The following NREP variants were observed in gnomAD, a reference collection of about 807,000 sequenced individuals.
NREP encodes neuronal regeneration-related protein.
A neutral mutation model predicts 8.6 loss-of-function variants in NREP; 5 were observed. The observed-to-expected ratio is 0.58, with a 90% confidence interval of 0.30 to 1.22. NREP has a LOEUF of 1.22. Among genes scored for constraint, NREP ranks in the 50% most tolerant of loss-of-function variants. The pLI, the probability that NREP is intolerant of heterozygous loss-of-function variation, is 0.07. For synonymous variants in NREP, 27 were observed against 28.0 expected, an observed-to-expected ratio of 0.96 and a Z score of 0.11; for missense variants, 86 against 82.5, an observed-to-expected ratio of 1.04 and a Z score of -0.17.
At chr5:111,889,835 G>A (rs914228538) in intron 2 of NREP, among the ~76,000 whole-genome samples, 1 of 152,098 alleles carries the variant, frequency 6.6e-6, no homozygotes, top group Non-Finnish European at 1.5e-5. Context: ...GATTTGGGTA[G>A]GTAGTGGAAA....
chr5:111,740,214 C>T (rs1749530236), intron 2 of NREP, among the ~76,000 whole-genome samples: 1 of 152,094 alleles, frequency 6.6e-6, no homozygotes, highest in African/African-American at 2.4e-5. Flanking sequence ...AAGAACCACA[C>T]TGGTTTAAAA....
chr5:111,913,406 C>T (rs1307682448), intron 2 of NREP, among the ~76,000 whole-genome samples: 1 of 152,014 alleles, frequency 6.6e-6, no homozygotes, highest in Non-Finnish European at 1.5e-5. Flanking sequence ...GATAATCTAG[C>T]TGTTTCCTAG....
chr5:111,968,386 G>A (rs1356357978), intron 2 of NREP, among the ~76,000 whole-genome samples: 1 of 152,144 alleles, frequency 6.6e-6, no homozygotes, highest in African/African-American at 2.4e-5. Context: ...AACATTTCTA[G>A]TACAGAAACT....
chr5:111,834,603 A>C (rs978399290), intron 2 of NREP, among the ~76,000 whole-genome samples: 1 of 152,328 alleles, frequency 6.6e-6, no homozygotes, highest in East Asian at 1.9e-4. Flanking sequence ...TTTAAAACTT[A>C]TGCAGATAAT....
At chr5:111,776,808 C>A (rs893314703) in intron 2 of NREP, among the ~76,000 whole-genome samples, 1 of 152,098 alleles carries the variant, frequency 6.6e-6, no homozygotes, top group African/African-American at 2.4e-5. Context: ...GCATGGAAGA[C>A]CATTCTAAAG....
chr5:111,804,584 C>G (rs560501873), intron 2 of NREP, among the ~76,000 whole-genome samples: 4 of 151,656 alleles, frequency 2.6e-5, no homozygotes, highest in Non-Finnish European at 5.9e-5. Context: ...ATAATTTGTC[C>G]AAAAATCAAG....
intron 2 of NREP, among the ~76,000 whole-genome samples, chr5:111,947,142 T>C (rs987541376): frequency 2.0e-5 from 3 of 152,070 alleles, no homozygotes; most frequent in African/African-American, 2.4e-5. Context: ...TGTATAACTA[T>C]AGAAGTCCCT....
intron 2 of NREP, among the ~76,000 whole-genome samples, chr5:111,809,854 TTGAC>T (rs1752229664): frequency 1.3e-5 from 2 of 150,150 alleles, no homozygotes; most frequent in East Asian, 2.0e-4. Context: ...TACCACCTCA[TTGAC>T]TGGGACTTTG....
chr5:111,897,322 C>T (rs1374522708), intron 2 of NREP, among the ~76,000 whole-genome samples: 2 of 152,004 alleles, frequency 1.3e-5, no homozygotes, highest in Non-Finnish European at 2.9e-5. Context: ...AAAACTAATC[C>T]AGCACTGAAA....
intron 2 of NREP, among the ~76,000 whole-genome samples, chr5:111,938,706 C>T (rs1006033021): frequency 6.6e-5 from 10 of 152,106 alleles, no homozygotes; most frequent in South Asian, 2.1e-4. Flanking sequence ...TAAATGCCTT[C>T]GTACGTGTAA....
At chr5:111,921,640 C>G (rs1309521477) in intron 2 of NREP, among the ~76,000 whole-genome samples, 1 of 151,872 alleles carries the variant, frequency 6.6e-6, no homozygotes, top group African/African-American at 2.4e-5. Flanking sequence ...TTTGGACAAG[C>G]CTTCATAGTA....
intron 2 of NREP, among the ~76,000 whole-genome samples, chr5:111,840,659 T>C (rs1199846868): frequency 6.6e-6 from 1 of 152,152 alleles, no homozygotes; most frequent in African/African-American, 2.4e-5. Context: ...CTGTCTCATA[T>C]CCACTTACTG....
chr5:111,894,294 G>A (rs1416324651), intron 2 of NREP, among the ~76,000 whole-genome samples: 2 of 151,852 alleles, frequency 1.3e-5, no homozygotes, highest in Non-Finnish European at 2.9e-5. Flanking sequence ...TCAAGTGTAG[G>A]GTATTGAAGA....
intron 2 of NREP, among the ~76,000 whole-genome samples, chr5:111,838,085 G>T (rs1473378782): frequency 6.6e-6 from 1 of 151,852 alleles, no homozygotes; most frequent in Admixed American, 6.6e-5. Flanking sequence ...AATTTTTCTA[G>T]TAGCCACATT....
intron 2 of NREP, among the ~76,000 whole-genome samples, chr5:111,842,564 T>G (rs1159479061): frequency 6.6e-6 from 1 of 152,212 alleles, no homozygotes; most frequent in African/African-American, 2.4e-5. Flanking sequence ...ACAAATTATT[T>G]GTTATTTTTA....
intron 2 of NREP, among the ~76,000 whole-genome samples, chr5:111,823,400 A>C (rs1159907167): frequency 6.6e-6 from 1 of 152,198 alleles, no homozygotes; most frequent in East Asian, 1.9e-4. Context: ...TCTAATCCCC[A>C]GTCTAGCTCT....
At chr5:111,821,805 T>C (rs1446022751) in intron 2 of NREP, among the ~76,000 whole-genome samples, 1 of 152,162 alleles carries the variant, frequency 6.6e-6, no homozygotes, top group Non-Finnish European at 1.5e-5. Flanking sequence ...CTCTCTTGCC[T>C]TCACTTTTTG....
chr5:111,771,712 A>G (rs375186547), intron 2 of NREP, among the ~76,000 whole-genome samples: 189 of 151,620 alleles, frequency 1.2e-3, no homozygotes, highest in African/African-American at 4.1e-3. Context: ...GTGGTGAGCC[A>G]AGATCATGCC....
chr5:111,814,702 G>T (rs1752345980), intron 2 of NREP, among the ~76,000 whole-genome samples: 2 of 152,224 alleles, frequency 1.3e-5, no homozygotes, highest in South Asian at 4.1e-4. Context: ...TACTGGGAGA[G>T]ACTGAGATTT....
Sources: allele counts gnomAD v4.1 joint callset (sites outside exome capture counted in the v4.1 genomes callset), GRCh38; gene constraint gnomAD v4.1.1; transcripts MANE v1.5; gene names NCBI Gene and HGNC (gene_info 2026-07-23, HGNC 2026-07-21).